The following NLRP2 variants were observed in gnomAD, a reference collection of about 807,000 sequenced individuals.
The protein encoded by NLRP2 is NACHT, LRR and PYD domains-containing protein 2.
A neutral mutation model predicts 97.2 loss-of-function variants in NLRP2; 107 were observed. The ratio of observed to expected loss-of-function variants is 1.10; its 90% CI spans 0.94 to 1.29. The LOEUF is 1.29. Ranked by LOEUF, NLRP2 falls within the 50% of genes most tolerant of loss-of-function variation. The probability of loss-of-function intolerance (pLI) is 0.00; values close to 1 mark genes in which losing one functional copy is unlikely to be tolerated. For synonymous variants in NLRP2, 663 were observed against 551.5 expected, an observed-to-expected ratio of 1.20 and a Z score of -2.83; for missense variants, 1,495 against 1,330.3, an observed-to-expected ratio of 1.12 and a Z score of -1.93.
At chr19:54,986,005 GAAAA>G (rs202015202) in intron 7 of NLRP2, 142 bp from the exon 8 acceptor site, 19 of 640,010 alleles carry the variant, frequency 3.0e-5, no homozygotes, top group Non-Finnish European at 5.0e-5. Flanking sequence ...CCATCTCAAA[GAAAA>G]AAAAAATCTG....
intron 12 of NLRP2, among the ~76,000 whole-genome samples, chr19:54,998,774 C>G (rs1184360174): frequency 1.3e-5 from 2 of 149,888 alleles, no homozygotes; most frequent in Admixed American, 1.3e-4. Flanking sequence ...GGCAGAGGAC[C>G]CTGCGGCCTT....
chr19:54,978,811 C>T lies in NLRP2; in HGVS notation c.397+988C>T, dbSNP rs369804038. 2.1e-4 allele frequency among the ~76,000 whole-genome samples: 32 copies of T among 148,892 alleles called. 1 individual carries two copies. The East Asian group carries it at 5.8e-3, about 27-fold the overall frequency. On this transcript the variant is annotated intron_variant, in intron 4 of 12. Coordinates refer to ENST00000448584, the MANE Select transcript of NLRP2 (RefSeq NM_017852.5). The stretch of plus-strand genomic sequence containing the variant: ...GCAGTGAGCCAAGATTGTGCCACTG[C>T]ACTCCAGCCTGGCAACAGTGCGAGA...
At chr19:54,978,505 G>C (rs1342208055) in intron 4 of NLRP2, among the ~76,000 whole-genome samples, 2 of 151,954 alleles carry the variant, frequency 1.3e-5, no homozygotes, top group Non-Finnish European at 2.9e-5. Flanking sequence ...CAAGTCTCCC[G>C]AAGTGCTGGG....
intron 4 of NLRP2, 108 bp from the exon 5 acceptor site, chr19:54,981,509 G>GGCCCC: frequency 3.1e-5 from 12 of 386,504 alleles, no homozygotes; most frequent in South Asian, 8.5e-5. Flanking sequence ...CTGATCCCGT[G>GGCCCC]CCCCCCCTCC....
rs2071647200 is a variant in NLRP2, at chr19:54,982,454, C to A, written c.756C>A (p.Arg252=). The A allele has an allele frequency of 6.2e-7, 1 of 1,614,054 alleles. No homozygotes were observed. Among genetic ancestry groups the A allele is most frequent in the Non-Finnish European group, 8.5e-7 (1 of 1,180,054 alleles). The change falls in exon 6 of 13, where the codon CGC becomes CGA. Residue 252 remains arginine, a synonymous_variant. Transcript: ENST00000448584. Reference sequence around the variant, plus strand: ...ACCTCAGCTGCAGGGAGCTCAGCCGCCTGGGCCCGTGCAGTTTTGCAGAGC... The same window carrying A: ...ACCTCAGCTGCAGGGAGCTCAGCCGACTGGGCCCGTGCAGTTTTGCAGAGC... ...AFYLSCRELS[R]LGPCSFAELV...
At chr19:54,988,883 T>C (rs1171706847) in intron 8 of NLRP2, among the ~76,000 whole-genome samples, 1 of 152,010 alleles carries the variant, frequency 6.6e-6, no homozygotes, top group Admixed American at 6.6e-5. Flanking sequence ...AAACATAGGT[T>C]AGTGGGCTGG....
In NLRP2 at chr19:54,982,360, C is replaced by T. The variant is rs17699678; in HGVS notation, c.662C>T (p.Thr221Met). The change falls in exon 6 of 13, where the codon ACG (threonine) becomes ATG (methionine). Residue 221 changes from threonine to methionine, a missense_variant. By Grantham distance (81) the Thr-to-Met change is moderately conservative. Transcript: ENST00000448584. ...LYGPAGLGKT[T>M]LAQKLMLDWA... Reference sequence around the variant, plus strand: ...GGTCCTGCAGGCCTTGGGAAAACCACGCTGGCCCAGAAACTAATGCTAGAC... The same window carrying T: ...GGTCCTGCAGGCCTTGGGAAAACCATGCTGGCCCAGAAACTAATGCTAGAC... 0.1 allele frequency: 160,980 copies of T among 1,613,984 alleles called. 8,812 individuals are homozygous for T. Among genetic ancestry groups the T allele is most frequent in the Non-Finnish European group, 0.11 (128,936 of 1,179,952 alleles).
chr19:54,995,565 C>T (rs947276034), intron 11 of NLRP2, among the ~76,000 whole-genome samples: 1 of 151,564 alleles, frequency 6.6e-6, no homozygotes, highest in Non-Finnish European at 1.5e-5. Context: ...TCCTGGGCTA[C>T]AAGAGCAAGA....
At chr19:54,984,734 C>T (rs184999027) in intron 6 of NLRP2, among the ~76,000 whole-genome samples, 81 of 152,138 alleles carry the variant, frequency 5.3e-4, no homozygotes, top group Middle Eastern at 6.8e-3. Flanking sequence ...CCACCCGCCT[C>T]AGCCTCACAA....
At chr19:54,974,348 CAAAAA>C in intron 2 of NLRP2, 147 bp from the exon 3 acceptor site, 2 of 593,260 alleles carry the variant, frequency 3.4e-6, no homozygotes, top group Non-Finnish European at 6.0e-6. Flanking sequence ...CACTCTGTCT[CAAAAA>C]AAAAAGATGC....
intron 4 of NLRP2, among the ~76,000 whole-genome samples, chr19:54,979,399 A>G (rs569851761): frequency 2.0e-5 from 3 of 152,024 alleles, no homozygotes; most frequent in Non-Finnish European, 4.4e-5. Context: ...CTAGAGTGCA[A>G]TGGTGTGATC....
intron 2 of NLRP2, 111 bp downstream of exon 2, chr19:54,970,406 T>A: frequency 7.6e-7 from 1 of 1,317,402 alleles, no homozygotes; most frequent in Non-Finnish European, 1.1e-6. Flanking sequence ...GTCCCAGCCC[T>A]TTGGGAGGCT....
At chr19:54,971,938 C>T (rs1471312493) in intron 2 of NLRP2, among the ~76,000 whole-genome samples, 1 of 151,840 alleles carries the variant, frequency 6.6e-6, no homozygotes, top group African/African-American at 2.4e-5. Flanking sequence ...AAGCGATTCT[C>T]CTGCCTCAGC....
intron 2 of NLRP2, among the ~76,000 whole-genome samples, chr19:54,971,015 C>T (rs1282528978): frequency 3.4e-4 from 41 of 120,912 alleles, no homozygotes; most frequent in Non-Finnish European, 5.8e-4. Flanking sequence ...TGTTCCCCTT[C>T]CTGTGTCCAT....
rs548814942 is a variant in NLRP2 at position 54,982,972 on chromosome 19, G to T, written c.1274G>T (p.Arg425Leu). The change falls in exon 6 of 13, where the codon CGC (arginine) becomes CTC (leucine). Residue 425 changes from arginine to leucine, a missense_variant. Transcript: ENST00000448584. ...GACCCGGTCCCCACCTGCCTCACCC[G>T]CACGGGGCTGTTCCTGCGTTTCCTC... Reference protein sequence around the residue: ...GEDPVPTCLTRTGLFLRFLCS... With the variant: ...GEDPVPTCLTLTGLFLRFLCS... 171 of 1,611,044 alleles carry T rather than the reference G, an allele frequency of 1.1e-4. No homozygotes were observed. The highest frequency in any genetic ancestry group is 1.4e-4 in the Non-Finnish European group (168 of 1,179,582).
chr19:54,983,913 C>G (rs1048287696), intron 6 of NLRP2, among the ~76,000 whole-genome samples, 185 bp downstream of exon 6: 1 of 151,994 alleles, frequency 6.6e-6, no homozygotes, highest in Admixed American at 6.6e-5. Flanking sequence ...CGCAGTGGCG[C>G]GATCTTGGCT....
chr19:54,971,249 C>T (rs1394380672), intron 2 of NLRP2, among the ~76,000 whole-genome samples: 1 of 150,100 alleles, frequency 6.7e-6, no homozygotes, highest in African/African-American at 2.4e-5. Flanking sequence ...GGTTCCAAGT[C>T]TTTGCTATTG....
rs757621061 is a variant in NLRP2 at position 54,990,136 on chromosome 19, T to G, written c.2481T>G (p.Gly827=). 1 of 1,614,110 alleles carries G rather than the reference T, an allele frequency of 6.2e-7. No homozygotes were observed. Among genetic ancestry groups the G allele is most frequent in the Non-Finnish European group, 8.5e-7 (1 of 1,180,034 alleles). Residue 827 remains glycine (G), a synonymous_variant, in exon 9 of 13, where the codon GGT becomes GGG. Coordinates refer to ENST00000448584, the MANE Select transcript of NLRP2 (RefSeq NM_017852.5). ...NLSDNELLDE[G]AKLLYTTLRH... The stretch of plus-strand genomic sequence containing the variant: ...CCGACAATGAGCTTCTGGATGAGGG[T>G]GCTAAGTTGCTGTACACAACTTTGA...
chr19:54,989,914 C>A (rs1396376611), intron 8 of NLRP2, 108 bp from the exon 9 acceptor site: 2 of 1,190,256 alleles, frequency 1.7e-6, no homozygotes, highest in Admixed American at 3.6e-5. Context: ...TCACTTGAAC[C>A]CAGGAGGCGG....
Sources: allele counts gnomAD v4.1 joint callset (sites outside exome capture counted in the v4.1 genomes callset), GRCh38; gene constraint gnomAD v4.1.1; transcripts MANE v1.5; gene names NCBI Gene and HGNC (gene_info 2026-07-23, HGNC 2026-07-21).